Variants in SH3BP5 observed in about 807,000 individuals in gnomAD.
The protein encoded by SH3BP5 is SH3 domain binding protein 5, also known as SH3 domain-binding protein 5.
A neutral mutation model predicts 43.3 loss-of-function variants in SH3BP5; 22 were observed. That is an observed-to-expected ratio of 0.51 (90% CI 0.36 to 0.73). The LOEUF is 0.73. Among genes scored for constraint, SH3BP5 ranks in the 30% least tolerant of loss-of-function variants. The pLI, the probability that SH3BP5 is intolerant of heterozygous loss-of-function variation, is 0.00. For synonymous variants in SH3BP5, 255 were observed against 225.8 expected (o/e 1.13, Z -1.16); for missense variants, 529 against 586.9 (o/e 0.90, Z 1.02).
chr3:15,333,533 G>T (rs939947134), upstream of SH3BP5, among the ~76,000 whole-genome samples: 3 of 152,172 alleles, frequency 2.0e-5, no homozygotes, highest in Non-Finnish European at 2.9e-5. Context: ...GGCACAACGT[G>T]GTGGCTCGTA....
At chr3:15,256,432 C>T (rs1337309628) in intron 8 of SH3BP5, 129 bp from the exon 9 acceptor site, 6 of 993,350 alleles carry the variant, frequency 6.0e-6, no homozygotes, top group African/African-American at 3.2e-5. Context: ...AGTCAGCTAA[C>T]TCAGCCCTGT....
intron 4 of SH3BP5, among the ~76,000 whole-genome samples, chr3:15,263,154 C>A (rs544762664): frequency 2.8e-4 from 42 of 152,218 alleles, no homozygotes; most frequent in African/African-American, 1.0e-3. Context: ...AAAACAAAAA[C>A]CAGAAAATTT....
chr3:15,256,167 G>C lies in SH3BP5; in HGVS notation c.1287C>G (p.Asn429Lys). ...ACTGTAGGGAGAGCTGCTTCATCCG[G>C]TTCTCCAAGGCCTGGCCCTCAGGGG... Reference protein sequence around the residue: ...STSPEGQALENRMKQLSLQCS... With the variant: ...STSPEGQALEKRMKQLSLQCS... Residue 429 changes from asparagine to lysine, a missense_variant, in exon 9 of 9, where the codon AAC (asparagine) becomes AAG (lysine). By Grantham distance (94) the Asn-to-Lys change is moderately conservative (BLOSUM62 0). Around this residue, in one of 3 missense-constraint regions of SH3BP5, gnomAD observed 369 missense variants for 384.3 expected, o/e 0.96. Transcript: ENST00000383791. The C allele has an allele frequency of 1.2e-6, 2 of 1,614,192 alleles. No homozygotes were observed. Among genetic ancestry groups the C allele is most frequent in the African/African-American group, 1.3e-5 (1 of 75,056 alleles).
intron 3 of SH3BP5, among the ~76,000 whole-genome samples, chr3:15,278,871 T>C (rs1311767974): frequency 3.9e-5 from 6 of 152,178 alleles, no homozygotes. Flanking sequence ...ATCAGTTTCT[T>C]AAAGATCTAA....
chr3:15,283,459 C>G (rs1298344776), intron 3 of SH3BP5, among the ~76,000 whole-genome samples: 3 of 152,102 alleles, frequency 2.0e-5, no homozygotes, highest in Non-Finnish European at 2.9e-5. Context: ...AAAATGTTAC[C>G]CAAACAAGAG....
At chr3:15,273,020 C>T (rs1480049361) in intron 3 of SH3BP5, 1 of 491,492 alleles carries the variant, frequency 2.0e-6, no homozygotes, top group Non-Finnish European at 2.6e-6. Context: ...CCCTGCAGGG[C>T]CTCCGCAGGC....
At chr3:15,306,082 C>A (rs562886012) in intron 2 of SH3BP5, among the ~76,000 whole-genome samples, 1 of 122,478 alleles carries the variant, frequency 8.2e-6, no homozygotes, top group South Asian at 2.7e-4. Context: ...GGCAGCCGGG[C>A]ACCATGGCTC....
At chr3:15,338,702 T>C (rs1490313358) in intron 1 of SH3BP5, among the ~76,000 whole-genome samples, 11 of 151,142 alleles carry the variant, frequency 7.3e-5, no homozygotes. Context: ...CCCACCCCCA[T>C]CCCTTGCACT....
intron 2 of SH3BP5, among the ~76,000 whole-genome samples, chr3:15,326,938 A>G (rs1698477259): frequency 6.6e-6 from 1 of 152,210 alleles, no homozygotes; most frequent in Non-Finnish European, 1.5e-5. Context: ...CTTTTAATGG[A>G]AACTGAAAAG....
intron 2 of SH3BP5, among the ~76,000 whole-genome samples, chr3:15,321,077 A>G (rs1698313273): frequency 6.6e-6 from 1 of 152,240 alleles, no homozygotes; most frequent in Admixed American, 6.5e-5. Context: ...TGGCCAGAAC[A>G]TGTTTTGGCC....
At position 15,290,136 on chromosome 3, in the gene SH3BP5, T is replaced by A. The variant is rs557281769; in HGVS notation, c.330+13967A>T. Among the ~76,000 whole-genome samples, 108 of 152,222 alleles carry A rather than the reference T, an allele frequency of 7.1e-4. 1 individual carries two copies. Among genetic ancestry groups the A allele is most frequent in the African/African-American group, 1.8e-3 (75 of 41,532 alleles). ...ACTTCCTCAGGCCGGGCACGGTGGC[T>A]CACACCTGTAATCCCAGCACTTTGG... On this transcript the variant is annotated intron_variant, in intron 3 of 8. Coordinates refer to ENST00000383791, the MANE Select transcript of SH3BP5 (RefSeq NM_004844.5).
At chr3:15,303,635 C>T (rs528208049) in intron 3 of SH3BP5, among the ~76,000 whole-genome samples, 106 of 150,956 alleles carry the variant, frequency 7.0e-4, no homozygotes, top group African/African-American at 2.4e-3. Context: ...ACGATGGCCA[C>T]GGAAGTCAGA....
At chr3:15,302,960 C>G (rs991434491) in intron 3 of SH3BP5, among the ~76,000 whole-genome samples, 6 of 152,098 alleles carry the variant, frequency 3.9e-5, no homozygotes, top group Non-Finnish European at 8.8e-5. Flanking sequence ...AGGCGCCCAC[C>G]ACCATACCCG....
rs1054608171 is a variant in SH3BP5, at chr3:15,330,694, T to C, written c.139-128A>G. The C allele has an allele frequency of 2.8e-6, 4 of 1,406,120 alleles. No homozygotes were observed. In the African/African-American group the frequency reaches 5.9e-5, roughly 21 times the overall value. 87.1% of individuals were successfully genotyped at this position (1,406,120 alleles called of 1,614,324 possible). A position where few individuals can be genotyped will look rare whatever the true frequency, so the allele number is the denominator to read the frequency against. ...GGAAAAGGGAAGAATCAGAATTAAT[T>C]CTTACGGCAAACAGTTGAGGCTTGA... On this transcript the variant is annotated intron_variant, in intron 1 of 8. Transcript: ENST00000383791.
At position 15,258,809 on chromosome 3, in the gene SH3BP5, C is replaced by T. The variant is rs749276091; in HGVS notation, c.889+22G>A. 1.9e-6 allele frequency: 3 copies of T among 1,586,954 alleles called. No individual in the cohort carries two copies. In the South Asian group the frequency reaches 3.3e-5, roughly 18 times the overall value. The stretch of plus-strand genomic sequence containing the variant: ...ACACAGTCTGATATCTCCCCACATA[C>T]CCAGTGGAGCCCCTGACTTACCAGA... On this transcript the variant is annotated intron_variant, in intron 7 of 8. Transcript: ENST00000383791.
In SH3BP5 at chr3:15,301,327, A is replaced by G. The variant is rs368612252; in HGVS notation, c.330+2776T>C. Among the ~76,000 whole-genome samples the G allele has an allele frequency of 2.0e-5, 3 of 152,132 alleles. No individual in the cohort carries two copies. The South Asian group carries it at 6.2e-4, about 32-fold the overall frequency. On this transcript the variant is annotated intron_variant, in intron 3 of 8. Coordinates refer to ENST00000383791, the MANE Select transcript of SH3BP5 (RefSeq NM_004844.5). The stretch of plus-strand genomic sequence containing the variant: ...GACTTCAAGGGAGGGCAGGGGAGGA[A>G]CCTCTGGTCTGTTGGTGGCTCCCCA...
chr3:15,273,529 T>A, intron 3 of SH3BP5: 1 of 361,556 alleles, frequency 2.8e-6, no homozygotes, highest in Non-Finnish European at 3.8e-6. Context: ...ATAGGATACA[T>A]GTTTGCCTTG....
intron 7 of SH3BP5, 189 bp from the exon 8 acceptor site, chr3:15,257,302 A>T (rs1273163988): frequency 3.4e-6 from 2 of 585,934 alleles, no homozygotes. Flanking sequence ...GAAGGGAAGC[A>T]GCTGGCAGCA....
intron 4 of SH3BP5, among the ~76,000 whole-genome samples, chr3:15,265,621 T>G (rs1310774232): frequency 6.7e-6 from 1 of 149,412 alleles, no homozygotes; most frequent in Non-Finnish European, 1.5e-5. Context: ...AGGAAGAAGG[T>G]CACTAAGCAT....
Sources: allele counts gnomAD v4.1 joint callset (sites outside exome capture counted in the v4.1 genomes callset), GRCh38; gene constraint gnomAD v4.1.1; regional missense constraint gnomAD v4.1.1; transcripts MANE v1.5; gene names NCBI Gene and HGNC (gene_info 2026-07-23, HGNC 2026-07-21).